Variants in GLIS3 observed in about 807,000 individuals in gnomAD.
The protein encoded by GLIS3 is zinc finger protein GLIS3.
GLIS3 carries 53 observed loss-of-function variants against 78.6 expected under a neutral mutation model. That is an observed-to-expected ratio of 0.67 (90% CI 0.54 to 0.85). The LOEUF (loss-of-function observed/expected upper bound fraction) is 0.85, where lower values mean the gene tolerates loss of function less well. Ranked by LOEUF, GLIS3 falls within the 40% of genes least tolerant of loss-of-function variation. The pLI is 0.00. For synonymous variants in GLIS3, 684 were observed against 509.9 expected (o/e 1.34, Z -4.60); for missense variants, 1,703 against 1,231.1 (o/e 1.38, Z -5.74).
At position 3,828,328 on chromosome 9, in the gene GLIS3, T is replaced by TC; in HGVS notation, c.2736dup (p.Ile913AspfsTer9). 1 of 1,614,088 alleles carries TC rather than the reference T, an allele frequency of 6.2e-7. No individual in the cohort carries two copies. Among genetic ancestry groups the TC allele is most frequent in the South Asian group, 1.1e-5 (1 of 91,082 alleles). ...CTAGGACAGCGGTCCACGGTGCTGA[T>TC]CTGCAAGAAGGTAGCATCTTCAGCC... On this transcript the variant is annotated frameshift_variant, in exon 11 of 11. Coordinates refer to ENST00000381971, the MANE Select transcript of GLIS3 (RefSeq NM_001042413.2). LOFTEE classifies it high-confidence loss of function.
the GLIS3 span, among the ~76,000 whole-genome samples, chr9:4,466,811 G>A: frequency 3.3e-5 from 5 of 152,232 alleles, no homozygotes; most frequent in Non-Finnish European, 5.9e-5. Flanking sequence ...CCCACGGAGT[G>A]TGAGCTGAAG....
intron 2 of GLIS3, among the ~76,000 whole-genome samples, chr9:4,247,420 G>A (rs1038992813): frequency 2.6e-5 from 4 of 152,108 alleles, no homozygotes; most frequent in African/African-American, 4.8e-5. Context: ...TATAAAGTAT[G>A]CAAAAATAAT....
At chr9:3,939,087 G>T (rs1199862867) in intron 4 of GLIS3, among the ~76,000 whole-genome samples, 1 of 152,158 alleles carries the variant, frequency 6.6e-6, no homozygotes, top group African/African-American at 2.4e-5. Context: ...TTCTTAGCAA[G>T]GCTCTTTTGT....
At chr9:4,229,968 A>G (rs1822109332) in intron 2 of GLIS3, among the ~76,000 whole-genome samples, 1 of 152,266 alleles carries the variant, frequency 6.6e-6, no homozygotes, top group African/African-American at 2.4e-5. Flanking sequence ...AACACTAGGA[A>G]GAAAGTAAAT....
rs535358154 is a variant in GLIS3 at position 3,948,860 on chromosome 9, G to A, written c.1711-11671C>T. Among the ~76,000 whole-genome samples the A allele has an allele frequency of 1.6e-4, 24 of 152,224 alleles. 1 individual carries two copies. The Middle Eastern group carries it at 0.01, about 65-fold the overall frequency. Reference sequence around the variant, plus strand: ...TCTTACAGAGCCAACAATTTTGGCTGGAAAGTATCTAGCACATAGTAAATT... The same window carrying A: ...TCTTACAGAGCCAACAATTTTGGCTAGAAAGTATCTAGCACATAGTAAATT... On this transcript the variant is annotated intron_variant, in intron 4 of 10. Transcript: ENST00000381971.
intron 4 of GLIS3, among the ~76,000 whole-genome samples, chr9:4,116,989 C>T (rs1175732714): frequency 6.6e-6 from 1 of 152,064 alleles, no homozygotes; most frequent in Non-Finnish European, 1.5e-5. Flanking sequence ...ATTTAAGAAT[C>T]GTATTATTCA....
the GLIS3 span, among the ~76,000 whole-genome samples, chr9:4,466,464 A>T: frequency 2.0e-5 from 3 of 152,252 alleles, no homozygotes; most frequent in African/African-American, 7.2e-5. Context: ...CCCTTAATCC[A>T]AAACGAGACA....
the GLIS3 span, among the ~76,000 whole-genome samples, chr9:4,453,500 T>A: frequency 1.3e-5 from 2 of 151,790 alleles, no homozygotes; most frequent in East Asian, 3.9e-4. Context: ...AACAACCCCA[T>A]CAAAAAGTGG....
intron 6 of GLIS3, among the ~76,000 whole-genome samples, chr9:3,914,059 A>C (rs1824326909): frequency 6.6e-6 from 1 of 152,210 alleles, no homozygotes. Context: ...AGTATGCCTA[A>C]ATTATCAATT....
At chr9:4,127,917 G>A (rs1302967415) in intron 2 of GLIS3, among the ~76,000 whole-genome samples, 1 of 152,138 alleles carries the variant, frequency 6.6e-6, no homozygotes, top group Non-Finnish European at 1.5e-5. Flanking sequence ...AATACTACTT[G>A]ATGGCAAAAC....
At chr9:4,023,830 C>T (rs889308379) in intron 4 of GLIS3, among the ~76,000 whole-genome samples, 8 of 152,132 alleles carry the variant, frequency 5.3e-5, no homozygotes, top group African/African-American at 1.9e-4. Flanking sequence ...TTGTTACTGA[C>T]CCTCAATTAG....
intron 2 of GLIS3, among the ~76,000 whole-genome samples, chr9:4,255,120 T>A (rs148959651): frequency 6.6e-6 from 1 of 152,052 alleles, no homozygotes; most frequent in African/African-American, 2.4e-5. Flanking sequence ...ATCTGCAACA[T>A]CATACATCAT....
intron 4 of GLIS3, among the ~76,000 whole-genome samples, chr9:4,098,897 T>A (rs779500120): frequency 2.6e-5 from 4 of 152,124 alleles, no homozygotes; most frequent in African/African-American, 9.7e-5. Flanking sequence ...GATACTCACA[T>A]CCAGGTCTCA....
the GLIS3 span, among the ~76,000 whole-genome samples, chr9:4,403,376 C>G: frequency 6.6e-6 from 1 of 152,124 alleles, no homozygotes; most frequent in Non-Finnish European, 1.5e-5. Flanking sequence ...AGGTAAAAAA[C>G]TCACTGGTAA....
rs139334348 is a variant in GLIS3, at chr9:4,160,452, C to T, written c.389-34511G>A. Among the ~76,000 whole-genome samples the T allele has an allele frequency of 7.3e-4, 111 of 152,332 alleles. 1 individual carries two copies. The East Asian group carries it at 0.017, about 23-fold the overall frequency. On this transcript the variant is annotated intron_variant, in intron 2 of 10. Coordinates refer to ENST00000381971, the MANE Select transcript of GLIS3 (RefSeq NM_001042413.2). ...TTATTTTGTCAGAAAGTACATCTCC[C>T]GCACAGCGGCAGGCCTGGCATAGCT...
chr9:3,829,407 C>T lies in GLIS3; in HGVS notation c.2559G>A (p.Val853=), dbSNP rs1817914329. The change falls in exon 10 of 11, where the codon GTG becomes GTA. Residue 853 remains valine, a synonymous_variant. Transcript: ENST00000381971. The part of the protein sequence containing the change: ...RIVPPVSSCS[V]VPSFEDCLVP... ...CTAGGCAGTCCTCAAACGAAGGCAC[C>T]ACACTGCAGGAGCTGACAGGCGGCA... 1 of 1,614,158 alleles carries T rather than the reference C, an allele frequency of 6.2e-7. No individual in the cohort carries two copies. Among genetic ancestry groups the T allele is most frequent in the Non-Finnish European group, 8.5e-7 (1 of 1,180,006 alleles).
chr9:3,884,292 T>C (rs1483092733), intron 7 of GLIS3, among the ~76,000 whole-genome samples: 1 of 152,188 alleles, frequency 6.6e-6, no homozygotes, highest in Non-Finnish European at 1.5e-5. Context: ...TAAAGATTAC[T>C]TGTCTCAGGC....
intron 9 of GLIS3, among the ~76,000 whole-genome samples, chr9:3,832,506 T>G (rs527697323): frequency 6.6e-6 from 1 of 152,262 alleles, no homozygotes; most frequent in South Asian, 2.1e-4. Flanking sequence ...ACACACAGAC[T>G]AATTTCTTCA....
intron 7 of GLIS3, among the ~76,000 whole-genome samples, chr9:3,892,623 T>C (rs775960063): frequency 5.0e-4 from 76 of 152,194 alleles, no homozygotes; most frequent in Admixed American, 1.6e-3. Context: ...CATACAAGTA[T>C]AAAAAAGATG....
Sources: gnomAD v4.1 joint callset for allele counts (sites outside exome capture counted in the v4.1 genomes callset) on GRCh38, gnomAD v4.1.1 for gene constraint, MANE v1.5 for transcripts, NCBI Gene and HGNC (gene_info 2026-07-23, HGNC 2026-07-21) for gene names.